The following SVIL variants were observed in gnomAD, a reference collection of about 807,000 sequenced individuals.
SVIL encodes supervillin, also known as archvillin.
A neutral mutation model predicts 240.4 loss-of-function variants in SVIL; 101 were observed. That is an observed-to-expected ratio of 0.42 (90% CI 0.36 to 0.50). SVIL has a LOEUF of 0.50. Among genes scored for constraint, SVIL ranks in the 20% least tolerant of loss-of-function variants. The probability of loss-of-function intolerance (pLI) is 0.01; values close to 1 mark genes in which losing one functional copy is unlikely to be tolerated. For missense variants in SVIL, 2,512 were observed against 2,818.7 expected, an observed-to-expected ratio of 0.89 and a Z score of 2.46; for synonymous variants, 999 against 1,100.0, an observed-to-expected ratio of 0.91 and a Z score of 1.82.
At chr10:29,509,677 C>T (rs1333045204) in intron 17 of SVIL, among the ~76,000 whole-genome samples, 2 of 151,958 alleles carry the variant, frequency 1.3e-5, no homozygotes, top group South Asian at 2.1e-4. Flanking sequence ...GGAGAAACCC[C>T]GTCTCTACTA....
Position 29,458,284 on chromosome 10 carries a change from T to A in SVIL, c.6608A>T (p.Lys2203Met). The change falls in exon 38 of 38, where the codon AAG (lysine) becomes ATG (methionine). Residue 2203 changes from lysine (K) to methionine (M), a missense_variant. Coordinates refer to ENST00000355867, the MANE Select transcript of SVIL (RefSeq NM_021738.3). ...RDEYNALPAW[K>M]QVNLKKAKGL... ...TTTTGCTTTCTTCAGGTTCACCTGCTTCCAGGCGGGCAGGGCGTTGTATTC... is the reference window on the plus strand; with the variant it reads ...TTTTGCTTTCTTCAGGTTCACCTGCATCCAGGCGGGCAGGGCGTTGTATTC... 3.1e-6 allele frequency: 5 copies of A among 1,614,250 alleles called. No individual in the cohort carries two copies. The highest frequency in any genetic ancestry group is 4.2e-6 in the Non-Finnish European group (5 of 1,180,044).
chr10:29,526,812 T>C, intron 13 of SVIL, 149 bp downstream of exon 13: 1 of 630,552 alleles, frequency 1.6e-6, no homozygotes, highest in East Asian at 3.1e-5. Context: ...CACCTTGTGC[T>C]ATGACAAAAC....
intron 1 of SVIL, among the ~76,000 whole-genome samples, chr10:29,730,362 A>G (rs1039730461): frequency 6.6e-6 from 1 of 152,172 alleles, no homozygotes; most frequent in African/African-American, 2.4e-5. Flanking sequence ...CCAGCTTCGT[A>G]TAAGTTGACC....
At position 29,524,967 on chromosome 10, in the gene SVIL, T is replaced by C. The variant is rs149208583; in HGVS notation, c.2343-252A>G. 9.4e-4 allele frequency among the ~76,000 whole-genome samples: 143 copies of C among 152,210 alleles called. 2 individuals are homozygous for C. In the South Asian group the frequency reaches 0.02, roughly 22 times the overall value. On this transcript the variant is annotated intron_variant, in intron 13 of 37. Coordinates refer to ENST00000355867, the MANE Select transcript of SVIL (RefSeq NM_021738.3). Reference sequence around the variant, plus strand: ...TTATTTCTACAAAACGAATTTCCTGTTTAAGACATTGAAGTCAGCTTGGCT... The same window carrying C: ...TTATTTCTACAAAACGAATTTCCTGCTTAAGACATTGAAGTCAGCTTGGCT...
Position 29,517,822 on chromosome 10 carries a change from C to T in SVIL, c.3389+4588G>A, listed in dbSNP as rs148331844. On this transcript the variant is annotated intron_variant, in intron 16 of 37. Coordinates refer to ENST00000355867, the MANE Select transcript of SVIL (RefSeq NM_021738.3). ...TTCCCTAAATAAGAAAGCTCAGATG[C>T]CACTGTTTCTGACATTGTGGAAATA... Among the ~76,000 whole-genome samples, 1,196 of 152,284 alleles carry T rather than the reference C, an allele frequency of 7.9e-3. 19 individuals are homozygous for T. The highest frequency in any genetic ancestry group is 0.027 in the African/African-American group (1,110 of 41,548).
intron 1 of SVIL, among the ~76,000 whole-genome samples, chr10:29,709,128 T>C (rs1963107279): frequency 6.6e-6 from 1 of 151,956 alleles, no homozygotes; most frequent in Non-Finnish European, 1.5e-5. Context: ...AAGGAAGAAA[T>C]TATCAAAGAA....
chr10:29,557,253 G>A (rs968596452), intron 3 of SVIL, among the ~76,000 whole-genome samples: 102 of 151,224 alleles, frequency 6.7e-4, no homozygotes, highest in African/African-American at 2.3e-3. Context: ...GTGCCACCAC[G>A]CCTGGCTAGC....
chr10:29,640,312 C>T (rs1032071181), intron 3 of SVIL, among the ~76,000 whole-genome samples: 1 of 152,066 alleles, frequency 6.6e-6, no homozygotes, highest in African/African-American at 2.4e-5. Flanking sequence ...GGAATGTCCT[C>T]TTCGTAAAAT....
At chr10:29,509,130 A>G (rs1157350451) in intron 17 of SVIL, among the ~76,000 whole-genome samples, 1 of 152,134 alleles carries the variant, frequency 6.6e-6, no homozygotes, top group African/African-American at 2.4e-5. Context: ...CATAAACCAC[A>G]CCGTGCAGAC....
chr10:29,527,482 A>T (rs1201965292), intron 12 of SVIL, among the ~76,000 whole-genome samples: 1 of 152,074 alleles, frequency 6.6e-6, no homozygotes, highest in African/African-American at 2.4e-5. Context: ...GCTGGAGTGC[A>T]GTGGCATGAT....
At chr10:29,602,239 G>T (rs748096548) in intron 1 of SVIL, 1 of 530,584 alleles carries the variant, frequency 1.9e-6, no homozygotes, top group South Asian at 1.4e-5. Flanking sequence ...TTCATGAAGT[G>T]CCCCCTGGTA....
chr10:29,687,334 TCAAA>T (rs905016039), intron 1 of SVIL, among the ~76,000 whole-genome samples: 1 of 152,238 alleles, frequency 6.6e-6, no homozygotes, highest in African/African-American at 2.4e-5. Flanking sequence ...TTTTTTCTCT[TCAAA>T]CATTCACCTT....
intron 17 of SVIL, 105 bp from the exon 18 acceptor site, chr10:29,499,368 A>C: frequency 7.0e-7 from 1 of 1,432,086 alleles, no homozygotes; most frequent in Non-Finnish European, 9.6e-7. Flanking sequence ...GACAAAGAGG[A>C]GTAAGTATAT....
chr10:29,542,969 C>T (rs1952300061), intron 6 of SVIL, among the ~76,000 whole-genome samples: 1 of 152,152 alleles, frequency 6.6e-6, no homozygotes, highest in Admixed American at 6.5e-5. Flanking sequence ...GAGCCAAGCT[C>T]CAGCTCTGTC....
intron 16 of SVIL, among the ~76,000 whole-genome samples, chr10:29,513,983 TA>T (rs35208566): frequency 0.48 from 61,011 of 127,044 alleles, 13,364 homozygotes; most frequent in African/African-American, 0.57. Flanking sequence ...AGATAAAAGG[TA>T]AAAAAAAAAA....
chr10:29,701,600 A>G (rs934276577), intron 1 of SVIL, among the ~76,000 whole-genome samples: 1 of 152,212 alleles, frequency 6.6e-6, no homozygotes, highest in African/African-American at 2.4e-5. Context: ...AATAAAAAAA[A>G]TTGTATCTAG....
In SVIL at chr10:29,523,988, T is replaced by C. The variant is rs773782515; in HGVS notation, c.2626A>G (p.Asn876Asp). ...GATGCTACGGTAGACACTGATGTGT[T>C]CACGGCAGGTGAGAAAGGAATGAGC... is the stretch of plus-strand genomic sequence containing the variant. ...GKLIPFSPAV[N>D]TSVSTVASTV... The change falls in exon 15 of 38, where the codon AAC (asparagine) becomes GAC (aspartate). Residue 876 changes from asparagine to aspartate, a missense_variant. Asn to Asp is a conservative substitution (Grantham distance 23). Coordinates refer to ENST00000355867, the MANE Select transcript of SVIL (RefSeq NM_021738.3). 6 of 1,613,920 alleles carry C rather than the reference T, an allele frequency of 3.7e-6. No homozygotes were observed. The East Asian group carries it at 1.3e-4, about 36-fold the overall frequency.
intron 18 of SVIL, chr10:29,496,442 C>CA: frequency 2.2e-6 from 1 of 455,078 alleles, no homozygotes; most frequent in Non-Finnish European, 4.4e-6. Flanking sequence ...TTCATTAGCA[C>CA]AGAGGCCGTT....
At chr10:29,482,021 CTTTTTTTT>C (rs35856299) in intron 27 of SVIL, among the ~76,000 whole-genome samples, 12 of 113,458 alleles carry the variant, frequency 1.1e-4, no homozygotes, top group African/African-American at 2.7e-4. Flanking sequence ...CTTTTCTTTT[CTTTTTTTT>C]TTTTTTTTTT....
Sources: gnomAD v4.1 joint callset for allele counts (sites outside exome capture counted in the v4.1 genomes callset) on GRCh38, gnomAD v4.1.1 for gene constraint, MANE v1.5 for transcripts, NCBI Gene and HGNC (gene_info 2026-07-23, HGNC 2026-07-21) for gene names.